ARHGAP23: variants seen among roughly 807,000 people sequenced by gnomAD.
ARHGAP23 encodes rho GTPase-activating protein 23.
A neutral mutation model predicts 136.3 loss-of-function variants in ARHGAP23; 34 were observed. The observed-to-expected ratio is 0.25, with a 90% CI of 0.19 to 0.33. The LOEUF (loss-of-function observed/expected upper bound fraction) is 0.33, where lower values mean the gene tolerates loss of function less well. Among genes scored for constraint, ARHGAP23 ranks in the 10% least tolerant of loss-of-function variants. ARHGAP23 has a pLI of 1.00. For missense variants in ARHGAP23, 1,808 were observed against 2,139.0 expected (o/e 0.85, Z 3.05); for synonymous variants, 832 against 920.5 (o/e 0.90, Z 1.74).
chr17:38,443,792 G>A (rs998679494), intron 1 of ARHGAP23, among the ~76,000 whole-genome samples: 2 of 152,170 alleles, frequency 1.3e-5, no homozygotes, highest in African/African-American at 4.8e-5. Context: ...CCTGCCCTGG[G>A]AGGGGACATG....
At chr17:38,494,575 C>A (rs576102061) in intron 20 of ARHGAP23, among the ~76,000 whole-genome samples, 91 of 152,212 alleles carry the variant, frequency 6.0e-4, no homozygotes, top group African/African-American at 2.2e-3. Flanking sequence ...CACACACACA[C>A]ACAAAAATCC....
At chr17:38,509,666 G>A (rs1033148956) in intron 23 of ARHGAP23, among the ~76,000 whole-genome samples, 1 of 152,182 alleles carries the variant, frequency 6.6e-6, no homozygotes, top group African/African-American at 2.4e-5. Context: ...ATTTAGCCAG[G>A]GCTGGATACG....
intron 20 of ARHGAP23, among the ~76,000 whole-genome samples, chr17:38,493,158 C>G (rs949814481): frequency 9.7e-5 from 4 of 41,294 alleles, no homozygotes; most frequent in African/African-American, 2.3e-4. Flanking sequence ...TTACGTCAGG[C>G]TGGGTTTTCT....
intron 1 of ARHGAP23, chr17:38,451,636 C>G (rs2039169038): frequency 6.6e-6 from 1 of 152,180 alleles, no homozygotes; most frequent in African/African-American, 2.4e-5. Flanking sequence ...TGGCTGCTTG[C>G]TGGGAGGAGA....
At chr17:38,486,536 CTTTTTT>C (rs34888986) in intron 17 of ARHGAP23, among the ~76,000 whole-genome samples, 1 of 125,848 alleles carries the variant, frequency 7.9e-6, no homozygotes, top group African/African-American at 3.0e-5. Context: ...ACCACGCTGG[CTTTTTT>C]TTTTTTTTTT....
chr17:38,422,322 G>A (rs920994941), intron 1 of ARHGAP23, among the ~76,000 whole-genome samples: 8 of 152,198 alleles, frequency 5.3e-5, no homozygotes, highest in African/African-American at 1.7e-4. Flanking sequence ...GGTGCTCAAC[G>A]TATTTTAATT....
intron 1 of ARHGAP23, among the ~76,000 whole-genome samples, chr17:38,421,099 T>C (rs1015497990): frequency 1.3e-5 from 2 of 152,154 alleles, no homozygotes; most frequent in Non-Finnish European, 2.9e-5. Flanking sequence ...CCGCTTCCCC[T>C]TTCCCAGAGG....
rs1208817639 is a variant in ARHGAP23 at position 38,466,791 on chromosome 17, C to A, written c.1108C>A (p.Leu370Met). The change falls in exon 7 of 24, where the codon CTG becomes ATG. Residue 370 changes from leucine to methionine, a missense_variant. Transcript: ENST00000622683. ...RSAEALGPGA[L>M]VSPRFERCGW... Reference sequence around the variant, plus strand: ...TGCCGAGGCACTGGGGCCAGGGGCACTGGTGTCACCCCGCTTTGAGCGGTG... The same window carrying A: ...TGCCGAGGCACTGGGGCCAGGGGCAATGGTGTCACCCCGCTTTGAGCGGTG... 6.5e-7 allele frequency: 1 copy of A among 1,549,382 alleles called. No individual in the cohort carries two copies. The highest frequency in any genetic ancestry group is 2.0e-5 in the Admixed American group (1 of 50,984).
At chr17:38,509,596 C>T (rs551391950) in intron 23 of ARHGAP23, among the ~76,000 whole-genome samples, 236 of 152,274 alleles carry the variant, frequency 1.5e-3, no homozygotes, top group African/African-American at 5.5e-3. Flanking sequence ...GAAACGGATT[C>T]AGGCTGCCAA....
At chr17:38,479,938 G>A in intron 14 of ARHGAP23, 55 bp downstream of exon 14, 1 of 1,523,312 alleles carries the variant, frequency 6.6e-7, no homozygotes, top group Non-Finnish European at 8.9e-7. Flanking sequence ...GGCATGGGGA[G>A]GGGAGGGCAC....
rs573667851 is a variant in ARHGAP23 at position 38,440,690 on chromosome 17, G to A, written c.63+12142G>A. On this transcript the variant is annotated intron_variant, in intron 1 of 23. Transcript: ENST00000622683. ...AAAGAAAGAGGAACCGGCTCTGAAG[G>A]TGACTGCTTTCTTTGGGGGCACACA... Among the ~76,000 whole-genome samples, 3 of 152,366 alleles carry A rather than the reference G, an allele frequency of 2.0e-5. No homozygotes were observed. The East Asian group carries it at 5.8e-4, about 29-fold the overall frequency.
At chr17:38,481,436 C>A (rs1332805733) in intron 14 of ARHGAP23, among the ~76,000 whole-genome samples, 1 of 152,004 alleles carries the variant, frequency 6.6e-6, no homozygotes, top group African/African-American at 2.4e-5. Flanking sequence ...CGTAAGCCAC[C>A]GCGCCCGGCC....
chr17:38,482,195 C>T (rs1312712555), intron 15 of ARHGAP23, 52 bp downstream of exon 15: 1 of 1,535,458 alleles, frequency 6.5e-7, no homozygotes, highest in Non-Finnish European at 8.7e-7. Flanking sequence ...GACCGAGGCA[C>T]AGAGGGTCAG....
chr17:38,421,337 T>TC (rs2038518310), intron 1 of ARHGAP23, among the ~76,000 whole-genome samples: 3 of 152,188 alleles, frequency 2.0e-5, no homozygotes. Flanking sequence ...GCTCAGCCTG[T>TC]CCCCTGGACT....
chr17:38,448,524 C>A (rs1473358356), intron 1 of ARHGAP23, among the ~76,000 whole-genome samples: 1 of 152,048 alleles, frequency 6.6e-6, no homozygotes, highest in Non-Finnish European at 1.5e-5. Context: ...TTAAGTAACT[C>A]ACCCAAAGTC....
In ARHGAP23 at chr17:38,477,761, C is replaced by T. The variant is rs2039932021; in HGVS notation, c.2301C>T (p.Tyr767=). The T allele has an allele frequency of 6.5e-7, 1 of 1,549,436 alleles. No individual in the cohort carries two copies. The highest frequency in any genetic ancestry group is 1.2e-5 in the South Asian group (1 of 84,048). ...GCTCCTGCCTCGTGGACATCTCCTACAGCGAGACCAAGAGGAGGCACGTGT... is the reference window on the plus strand; with the variant it reads ...GCTCCTGCCTCGTGGACATCTCCTATAGCGAGACCAAGAGGAGGCACGTGT... ...CIGSCLVDIS[Y]SETKRRHVFR... is the part of the protein sequence containing the mutation. The change falls in exon 12 of 24, where the codon TAC becomes TAT. Residue 767 remains tyrosine (Y), a synonymous_variant. Coordinates refer to ENST00000622683, the MANE Select transcript of ARHGAP23 (RefSeq NM_001199417.2). This position sits in a 1 kb window ranked among gnomAD's most constrained non-coding sequence, Gnocchi z 6.6.
At chr17:38,466,025 T>G in intron 6 of ARHGAP23, 142 bp from the exon 7 acceptor site, 23 of 304,326 alleles carry the variant, frequency 7.6e-5, no homozygotes, top group East Asian at 1.6e-4. Flanking sequence ...CCCCACCCAC[T>G]TATGCCTCTC....
chr17:38,464,579 A>G (rs938152189), intron 6 of ARHGAP23, among the ~76,000 whole-genome samples: 3 of 152,030 alleles, frequency 2.0e-5, no homozygotes, highest in Non-Finnish European at 4.4e-5. Flanking sequence ...TCCTGGGGAG[A>G]GGGAGGAAGG....
At chr17:38,439,282 T>C (rs1597747554) in intron 1 of ARHGAP23, among the ~76,000 whole-genome samples, 1 of 152,162 alleles carries the variant, frequency 6.6e-6, no homozygotes, top group African/African-American at 2.4e-5. Flanking sequence ...CCTTTTCCAT[T>C]TCTCCAACTC....
Sources: gnomAD v4.1 joint callset for allele counts (sites outside exome capture counted in the v4.1 genomes callset) on GRCh38, gnomAD v4.1.1 for gene constraint, Gnocchi (gnomAD v3.1) non-coding constraint, MANE v1.5 for transcripts, NCBI Gene and HGNC (gene_info 2026-07-23, HGNC 2026-07-21) for gene names.